MTUS2: variants seen among roughly 807,000 people sequenced by gnomAD.
The protein encoded by MTUS2 is microtubule-associated tumor suppressor candidate 2.
MTUS2 carries 40 observed loss-of-function variants against 114.1 expected under a neutral mutation model. That is an observed-to-expected ratio of 0.35 (90% CI 0.27 to 0.46). The LOEUF (loss-of-function observed/expected upper bound fraction) is 0.46, where lower values mean the gene tolerates loss of function less well. Ranked by LOEUF, MTUS2 falls within the 20% of genes least tolerant of loss-of-function variation. The probability of loss-of-function intolerance (pLI) is 1.00; values close to 1 mark genes in which losing one functional copy is unlikely to be tolerated. For missense variants in MTUS2, 1,679 were observed against 1,705.4 expected, an observed-to-expected ratio of 0.98 and a Z score of 0.27; for synonymous variants, 688 against 672.0, an observed-to-expected ratio of 1.02 and a Z score of -0.37.
chr13:29,171,730 G>A (rs1893570450), intron 5 of MTUS2, among the ~76,000 whole-genome samples: 1 of 152,148 alleles, frequency 6.6e-6, no homozygotes, highest in African/African-American at 2.4e-5. Flanking sequence ...CATGGTGTTA[G>A]GGACCCAAGC....
At chr13:28,968,235 C>T (rs1245378532) in intron 2 of MTUS2, among the ~76,000 whole-genome samples, 1 of 151,762 alleles carries the variant, frequency 6.6e-6, no homozygotes, top group Non-Finnish European at 1.5e-5. Flanking sequence ...TTGGATGAAC[C>T]AAAATATATT....
Position 29,365,850 on chromosome 13 carries a change from A to C in MTUS2, c.3117+6377A>C, listed in dbSNP as rs77660250. Among the ~76,000 whole-genome samples, 557 of 152,310 alleles carry C rather than the reference A, an allele frequency of 3.7e-3. 2 individuals carry two copies. Among genetic ancestry groups the C allele is most frequent in the African/African-American group, 0.013 (531 of 41,560 alleles). On this transcript the variant is annotated intron_variant, in intron 8 of 15. Coordinates refer to ENST00000612955, the MANE Select transcript of MTUS2 (RefSeq NM_001033602.4). ...TGTCACTGGCGACTTATTTGAAAAT[A>C]AATGCTGTAAACTCCCCTCCAACTA... is the stretch of plus-strand genomic sequence containing the variant.
chr13:29,260,067 A>T (rs966883422), intron 5 of MTUS2, among the ~76,000 whole-genome samples: 1 of 152,224 alleles, frequency 6.6e-6, no homozygotes, highest in Non-Finnish European at 1.5e-5. Flanking sequence ...CTTTGTTTTG[A>T]TAGATGAGTC....
At chr13:29,460,017 C>T (rs972866718) in intron 9 of MTUS2, among the ~76,000 whole-genome samples, 2 of 152,222 alleles carry the variant, frequency 1.3e-5, no homozygotes, top group African/African-American at 4.8e-5. Context: ...TTGCAGACCA[C>T]AGGTATATCA....
At chr13:29,433,311 G>A (rs762885065) in intron 8 of MTUS2, among the ~76,000 whole-genome samples, 8 of 152,224 alleles carry the variant, frequency 5.3e-5, no homozygotes, top group South Asian at 4.1e-4. Flanking sequence ...GACTTTGCTC[G>A]TTTTTCATAC....
intron 4 of MTUS2, among the ~76,000 whole-genome samples, chr13:29,047,754 C>T (rs1465303956): frequency 2.0e-5 from 3 of 152,282 alleles, no homozygotes; most frequent in South Asian, 4.1e-4. Context: ...ACGTGATGCG[C>T]CCACCTTGGC....
chr13:28,910,174 C>T (rs1240329888), intron 2 of MTUS2, among the ~76,000 whole-genome samples: 10 of 152,068 alleles, frequency 6.6e-5, no homozygotes, highest in Non-Finnish European at 1.5e-5. Flanking sequence ...TCCCTCCATC[C>T]CACCCGTTAC....
intron 11 of MTUS2, among the ~76,000 whole-genome samples, chr13:29,492,400 G>C (rs113630914): frequency 6.6e-6 from 1 of 151,716 alleles, no homozygotes; most frequent in African/African-American, 2.4e-5. Context: ...GTTCATATGC[G>C]TTCTATCTGC....
chr13:28,900,585 G>A (rs1225527304), intron 2 of MTUS2, among the ~76,000 whole-genome samples: 5 of 152,158 alleles, frequency 3.3e-5, no homozygotes, highest in Non-Finnish European at 5.9e-5. Flanking sequence ...AATAATTTCT[G>A]AACATTATTC....
At chr13:28,965,273 G>C (rs781195489) in intron 2 of MTUS2, among the ~76,000 whole-genome samples, 2 of 152,288 alleles carry the variant, frequency 1.3e-5, no homozygotes, top group East Asian at 1.9e-4. Flanking sequence ...GGGAAACTGC[G>C]TGGAAACAAG....
chr13:29,350,435 C>G (rs1347581030), intron 7 of MTUS2, among the ~76,000 whole-genome samples: 1 of 151,564 alleles, frequency 6.6e-6, no homozygotes, highest in Non-Finnish European at 1.5e-5. Context: ...ACTTTATCTT[C>G]AAAGCAGTAA....
intron 2 of MTUS2, among the ~76,000 whole-genome samples, chr13:28,851,354 T>C (rs1876254178): frequency 2.0e-5 from 3 of 152,252 alleles, no homozygotes; most frequent in Admixed American, 2.0e-4. Flanking sequence ...TGGAATTCAT[T>C]GTAAGTGACC....
intron 2 of MTUS2, among the ~76,000 whole-genome samples, chr13:28,959,040 G>C (rs762471846): frequency 6.6e-6 from 1 of 152,140 alleles, no homozygotes; most frequent in Non-Finnish European, 1.5e-5. Context: ...GGAACACAGT[G>C]GTGGGGGTCC....
intron 5 of MTUS2, among the ~76,000 whole-genome samples, chr13:29,209,502 T>G (rs1895333689): frequency 2.6e-5 from 4 of 152,052 alleles, no homozygotes; most frequent in African/African-American, 9.6e-5. Flanking sequence ...TTTTTTTTTT[T>G]CATTGCATTA....
At chr13:29,214,411 T>A (rs1895593372) in intron 5 of MTUS2, among the ~76,000 whole-genome samples, 1 of 152,134 alleles carries the variant, frequency 6.6e-6, no homozygotes, top group African/African-American at 2.4e-5. Flanking sequence ...ATGATGCTAG[T>A]TGGTTATTTT....
intron 10 of MTUS2, among the ~76,000 whole-genome samples, chr13:29,486,544 T>G (rs1881629952): frequency 6.6e-6 from 1 of 152,190 alleles, no homozygotes; most frequent in Non-Finnish European, 1.5e-5. Context: ...AGAAGCAATG[T>G]CTTCTTAACT....
chr13:29,206,020 C>T (rs1376151556), intron 5 of MTUS2, among the ~76,000 whole-genome samples: 4 of 152,152 alleles, frequency 2.6e-5, no homozygotes, highest in Non-Finnish European at 5.9e-5. Context: ...AGTTTACATT[C>T]CCATCAGCAA....
intron 5 of MTUS2, among the ~76,000 whole-genome samples, chr13:29,217,242 AT>A (rs1895718154): frequency 6.6e-6 from 1 of 152,142 alleles, no homozygotes; most frequent in African/African-American, 2.4e-5. Flanking sequence ...CAGCAATGGT[AT>A]TATATTCTGT....
chr13:29,194,495 T>C (rs1359478279), intron 5 of MTUS2, among the ~76,000 whole-genome samples: 2 of 152,014 alleles, frequency 1.3e-5, no homozygotes, highest in Non-Finnish European at 2.9e-5. Flanking sequence ...CATGAAAAAA[T>C]GCTCACCATC....
Sources: allele counts gnomAD v4.1 joint callset (sites outside exome capture counted in the v4.1 genomes callset), GRCh38; gene constraint gnomAD v4.1.1; transcripts MANE v1.5; gene names NCBI Gene and HGNC (gene_info 2026-07-23, HGNC 2026-07-21).